Variants in SLC4A10 observed in about 807,000 individuals in gnomAD.
SLC4A10 encodes the protein solute carrier family 4 member 10, also known as sodium-driven chloride bicarbonate exchanger.
Under a neutral mutation model 137.7 loss-of-function variants are expected in SLC4A10, and 42 were observed. The ratio of observed to expected loss-of-function variants is 0.30; its 90% CI spans 0.24 to 0.39. The LOEUF is 0.39. Among genes scored for constraint, SLC4A10 ranks in the 10% least tolerant of loss-of-function variants. The pLI is 1.00. For synonymous variants in SLC4A10, 474 were observed against 464.1 expected (o/e 1.02, Z -0.27); for missense variants, 925 against 1,355.0 (o/e 0.68, Z 4.98).
Position 161,900,938 on chromosome 2 carries a change from A to G in SLC4A10, c.1369A>G (p.Asn457Asp), listed in dbSNP as rs1682964199. The G allele has an allele frequency of 6.4e-7, 1 of 1,563,018 alleles. No individual in the cohort carries two copies. Among genetic ancestry groups the G allele is most frequent in the African/African-American group, 1.4e-5 (1 of 73,536 alleles). ...QEKRKIPAVPNGTAAHGEAEP... is the reference protein window; with the variant it reads ...QEKRKIPAVPDGTAAHGEAEP... Reference sequence around the variant, plus strand: ...GAAGAGGAAGATTCCTGCTGTACCAAATGGAACAGCAGCTCATGGGGAAGC... The same window carrying G: ...GAAGAGGAAGATTCCTGCTGTACCAGATGGAACAGCAGCTCATGGGGAAGC... The change falls in exon 12 of 27, where the codon AAT becomes GAT. Residue 457 changes from asparagine to aspartate, a missense_variant. Asn to Asp is a conservative substitution (Grantham distance 23, BLOSUM62 1). This residue lies in a region of SLC4A10 where 61 missense variants were observed against 59.0 expected (regional missense o/e 1.03). Coordinates refer to ENST00000446997, the MANE Select transcript of SLC4A10 (RefSeq NM_001178015.2).
intron 4 of SLC4A10, among the ~76,000 whole-genome samples, chr2:161,848,091 C>T (rs1187783197): frequency 6.6e-6 from 1 of 152,098 alleles, no homozygotes; most frequent in African/African-American, 2.4e-5. Flanking sequence ...GATGGTAACT[C>T]ATTGTAGTTT....
At chr2:161,688,148 C>T (rs2041630688) in intron 1 of SLC4A10, among the ~76,000 whole-genome samples, 1 of 152,110 alleles carries the variant, frequency 6.6e-6, no homozygotes, top group Non-Finnish European at 1.5e-5. Context: ...TAGGAAATTA[C>T]TTAGACTTTT....
chr2:161,756,185 T>C (rs954234545), intron 1 of SLC4A10, among the ~76,000 whole-genome samples: 2 of 152,196 alleles, frequency 1.3e-5, no homozygotes, highest in African/African-American at 2.4e-5. Flanking sequence ...CCAAAGATAG[T>C]AATTTATTTA....
chr2:161,954,649 CT>C (rs1443340987), intron 19 of SLC4A10, among the ~76,000 whole-genome samples: 1 of 152,174 alleles, frequency 6.6e-6, no homozygotes, highest in Non-Finnish European at 1.5e-5. Flanking sequence ...AGAGCAAGAA[CT>C]GCTTTATTTA....
chr2:161,779,240 T>A (rs1380400997), intron 2 of SLC4A10, among the ~76,000 whole-genome samples: 1 of 151,956 alleles, frequency 6.6e-6, no homozygotes, highest in Non-Finnish European at 1.5e-5. Context: ...ACTCCCTCAC[T>A]ACCATGAGAA....
At chr2:161,739,883 C>G (rs2047710071) in intron 1 of SLC4A10, among the ~76,000 whole-genome samples, 1 of 152,154 alleles carries the variant, frequency 6.6e-6, no homozygotes, top group Admixed American at 6.5e-5. Flanking sequence ...GACTTTTAAT[C>G]CTGGAAGGGG....
chr2:161,668,288 G>A (rs1448692283), intron 1 of SLC4A10, among the ~76,000 whole-genome samples: 1 of 151,800 alleles, frequency 6.6e-6, no homozygotes, highest in Non-Finnish European at 1.5e-5. Flanking sequence ...ATGGGTGAAG[G>A]CATCAAGAAA....
At chr2:161,979,506 G>A (rs187429311) in intron 26 of SLC4A10, among the ~76,000 whole-genome samples, 7 of 152,250 alleles carry the variant, frequency 4.6e-5, no homozygotes, top group Non-Finnish European at 5.9e-5. Flanking sequence ...TGATGTGATC[G>A]CATTTGTGGT....
At chr2:161,775,640 G>A (rs537736505) in intron 2 of SLC4A10, among the ~76,000 whole-genome samples, 2 of 151,910 alleles carry the variant, frequency 1.3e-5, no homozygotes, top group South Asian at 4.1e-4. Context: ...TGCATGAAGA[G>A]GTGAGGCGAG....
chr2:161,643,168 T>C (rs540022308), intron 1 of SLC4A10, among the ~76,000 whole-genome samples: 1 of 152,202 alleles, frequency 6.6e-6, no homozygotes, highest in East Asian at 1.9e-4. Flanking sequence ...AATTAAATCA[T>C]GTTTCTTTGA....
At chr2:161,685,981 T>A (rs988523620) in intron 1 of SLC4A10, among the ~76,000 whole-genome samples, 6 of 152,146 alleles carry the variant, frequency 3.9e-5, no homozygotes, top group African/African-American at 9.7e-5. Flanking sequence ...GCAAGTACTA[T>A]AATAAAGCAC....
chr2:161,694,461 C>A (rs2042297002), intron 1 of SLC4A10, among the ~76,000 whole-genome samples: 1 of 126,104 alleles, frequency 7.9e-6, no homozygotes, highest in African/African-American at 2.8e-5. Flanking sequence ...TCAGAGACTA[C>A]AGCAGATTGT....
intron 2 of SLC4A10, among the ~76,000 whole-genome samples, chr2:161,803,953 G>A (rs1559285356): frequency 6.6e-6 from 1 of 152,096 alleles, no homozygotes; most frequent in Admixed American, 6.6e-5. Context: ...AAGTATAATA[G>A]GTGGCCAATA....
At chr2:161,973,062 G>C (rs367765556) in intron 23 of SLC4A10, among the ~76,000 whole-genome samples, 1 of 152,172 alleles carries the variant, frequency 6.6e-6, no homozygotes, top group South Asian at 2.1e-4. Context: ...CAAAGGTCAA[G>C]GTGTTTCCGG....
At chr2:161,768,378 C>T (rs1041972275) in intron 1 of SLC4A10, among the ~76,000 whole-genome samples, 6 of 151,906 alleles carry the variant, frequency 3.9e-5, no homozygotes, top group African/African-American at 9.7e-5. Flanking sequence ...CCCCAAAGTC[C>T]GATTATTTTC....
At chr2:161,843,937 T>C (rs1384817679) in intron 4 of SLC4A10, among the ~76,000 whole-genome samples, 1 of 152,156 alleles carries the variant, frequency 6.6e-6, no homozygotes, top group Non-Finnish European at 1.5e-5. Context: ...TGAATCATAA[T>C]TATTTAATAA....
At chr2:161,676,969 G>C (rs977600552) in intron 1 of SLC4A10, among the ~76,000 whole-genome samples, 3 of 152,060 alleles carry the variant, frequency 2.0e-5, no homozygotes, top group Non-Finnish European at 4.4e-5. Flanking sequence ...CACAAATTAA[G>C]ATATATATAA....
intron 1 of SLC4A10, among the ~76,000 whole-genome samples, chr2:161,763,643 G>A (rs1169516941): frequency 1.3e-5 from 2 of 152,056 alleles, no homozygotes; most frequent in Non-Finnish European, 2.9e-5. Flanking sequence ...AGAGAGGAAT[G>A]CAGCCACTGC....
intron 1 of SLC4A10, among the ~76,000 whole-genome samples, chr2:161,627,685 C>G (rs1371793603): frequency 6.6e-6 from 1 of 152,044 alleles, no homozygotes; most frequent in Non-Finnish European, 1.5e-5. Context: ...GCTGGACAAG[C>G]CATCATTGCA....
Sources: gnomAD v4.1 joint callset for allele counts (sites outside exome capture counted in the v4.1 genomes callset) on GRCh38, gnomAD v4.1.1 for gene constraint, gnomAD v4.1.1 regional missense constraint, MANE v1.5 for transcripts, NCBI Gene and HGNC (gene_info 2026-07-23, HGNC 2026-07-21) for gene names.